The following HECW1 variants were observed in gnomAD, a reference collection of about 807,000 sequenced individuals.
HECW1 encodes the protein HECT, C2 and WW domain containing E3 ubiquitin protein ligase 1, also known as E3 ubiquitin-protein ligase HECW1.
In HECW1, 61 loss-of-function variants were observed where a neutral mutation model predicts 182.3. That is an observed-to-expected ratio of 0.33 (90% CI 0.27 to 0.41). The LOEUF (loss-of-function observed/expected upper bound fraction) is 0.41. HECW1 is among the 10% of genes least tolerant of loss of function. The probability of loss-of-function intolerance (pLI) is 1.00; values close to 1 mark genes in which losing one functional copy is unlikely to be tolerated. For missense variants in HECW1, 1,739 were observed against 2,108.9 expected, an observed-to-expected ratio of 0.82 and a Z score of 3.44; for synonymous variants, 859 against 832.6, an observed-to-expected ratio of 1.03 and a Z score of -0.55.
intron 28 of HECW1, among the ~76,000 whole-genome samples, chr7:43,553,030 A>G (rs1292929421): frequency 6.6e-6 from 1 of 152,140 alleles, no homozygotes; most frequent in Non-Finnish European, 1.5e-5. Flanking sequence ...TTTCCTACAG[A>G]ATTGGAGCCC....
intron 8 of HECW1, among the ~76,000 whole-genome samples, chr7:43,431,727 A>T (rs961632566): frequency 1.3e-5 from 2 of 152,094 alleles, no homozygotes; most frequent in African/African-American, 2.4e-5. Context: ...ATTCAGTTTC[A>T]TCCACAACAA....
At chr7:43,461,445 C>T (rs528950681) in intron 13 of HECW1, among the ~76,000 whole-genome samples, 2 of 152,340 alleles carry the variant, frequency 1.3e-5, no homozygotes, top group South Asian at 2.1e-4. Context: ...CTAAAAATAT[C>T]GTTGAACCAT....
chr7:43,167,029 C>T (rs985736542), intron 2 of HECW1, among the ~76,000 whole-genome samples: 2 of 152,194 alleles, frequency 1.3e-5, no homozygotes, highest in African/African-American at 4.8e-5. Flanking sequence ...TCCAAAAGAC[C>T]CCTTTCTGAT....
At chr7:43,203,137 G>A (rs762057544) in intron 2 of HECW1, among the ~76,000 whole-genome samples, 21 of 152,160 alleles carry the variant, frequency 1.4e-4, no homozygotes, top group Non-Finnish European at 2.6e-4. Context: ...CCAAAGTGCC[G>A]GGATTACAAG....
At chr7:43,362,281 T>C (rs1816057837) in intron 6 of HECW1, among the ~76,000 whole-genome samples, 1 of 152,166 alleles carries the variant, frequency 6.6e-6, no homozygotes, top group African/African-American at 2.4e-5. Context: ...AATTGAGGCC[T>C]TGGTAGTAAG....
At chr7:43,114,484 T>C in intron 2 of HECW1, 93 bp downstream of exon 2, 1 of 1,102,992 alleles carries the variant, frequency 9.1e-7, no homozygotes, top group Non-Finnish European at 1.2e-6. Context: ...TATGAATGTG[T>C]GTGCCTGTTT....
At chr7:43,313,782 T>C (rs1808840422) in intron 4 of HECW1, among the ~76,000 whole-genome samples, 1 of 152,224 alleles carries the variant, frequency 6.6e-6, no homozygotes, top group Admixed American at 6.5e-5. Flanking sequence ...TGATACCACA[T>C]GGTTCTAATC....
At chr7:43,445,687 A>G in intron 11 of HECW1, 117 bp downstream of exon 11, 2 of 1,260,018 alleles carry the variant, frequency 1.6e-6, no homozygotes, top group Non-Finnish European at 2.2e-6. Flanking sequence ...TGCTGGGGCA[A>G]TGTATGCCTG....
At chr7:43,231,475 C>A (rs1797868185) in intron 2 of HECW1, among the ~76,000 whole-genome samples, 1 of 152,180 alleles carries the variant, frequency 6.6e-6, no homozygotes, top group African/African-American at 2.4e-5. Flanking sequence ...GAACTTAGTG[C>A]CTTCACGGAG....
intron 7 of HECW1, among the ~76,000 whole-genome samples, chr7:43,403,785 T>C (rs959407272): frequency 2.6e-5 from 4 of 152,200 alleles, no homozygotes; most frequent in African/African-American, 9.7e-5. Context: ...GGAATAAGGT[T>C]TGGCAAAGGT....
chr7:43,416,763 T>C (rs6948701), intron 8 of HECW1, among the ~76,000 whole-genome samples: 114,850 of 141,180 alleles, frequency 0.81, 47,564 homozygotes, highest in East Asian at 0.99. Flanking sequence ...CTGAAAAGCG[T>C]AATATTCGGG....
intron 16 of HECW1, among the ~76,000 whole-genome samples, chr7:43,475,402 T>C (rs2078183080): frequency 6.6e-6 from 1 of 152,162 alleles, no homozygotes; most frequent in South Asian, 2.1e-4. Context: ...AATAAAGACT[T>C]AGAAACCATT....
At chr7:43,276,769 T>C (rs1012707176) in intron 3 of HECW1, among the ~76,000 whole-genome samples, 4 of 152,246 alleles carry the variant, frequency 2.6e-5, no homozygotes, top group African/African-American at 7.2e-5. Context: ...TCAGCTTTCC[T>C]GTCTCCTGAG....
chr7:43,431,364 T>G (rs2076543799), intron 8 of HECW1, among the ~76,000 whole-genome samples: 1 of 152,184 alleles, frequency 6.6e-6, no homozygotes. Flanking sequence ...TTCCTAGCTA[T>G]GTCACTCCTC....
intron 8 of HECW1, among the ~76,000 whole-genome samples, chr7:43,430,258 A>G (rs2076501999): frequency 6.6e-6 from 1 of 152,168 alleles, no homozygotes; most frequent in Non-Finnish European, 1.5e-5. Context: ...TCACCCTCAC[A>G]TCCATATCCT....
rs142619834 is a variant in HECW1, at chr7:43,391,537, C to A, written c.556-5277C>A. On this transcript the variant is annotated intron_variant, in intron 6 of 29. Transcript: ENST00000395891. ...GGCTCTGTGCCACTCACCTGTGTTGCTTTCCCCAGCCCCTTTGTTGGGACT... is the reference window on the plus strand; with the variant it reads ...GGCTCTGTGCCACTCACCTGTGTTGATTTCCCCAGCCCCTTTGTTGGGACT... 2.9e-3 allele frequency among the ~76,000 whole-genome samples: 442 copies of A among 152,330 alleles called. 1 individual carries two copies. The highest frequency in any genetic ancestry group is 9.0e-3 in the Admixed American group (138 of 15,306).
chr7:43,308,955 T>C (rs911858712), intron 3 of HECW1, among the ~76,000 whole-genome samples: 29 of 152,180 alleles, frequency 1.9e-4, no homozygotes, highest in Non-Finnish European at 3.5e-4. Context: ...TCTTAAACCC[T>C]TTCTGGAACA....
intron 2 of HECW1, among the ~76,000 whole-genome samples, chr7:43,117,685 C>T (rs1562758918): frequency 6.6e-6 from 1 of 152,154 alleles, no homozygotes; most frequent in Non-Finnish European, 1.5e-5. Context: ...GGAAGCAAAG[C>T]AGCATATTAG....
chr7:43,277,738 C>A (rs577911083), intron 3 of HECW1, among the ~76,000 whole-genome samples: 82 of 152,324 alleles, frequency 5.4e-4, no homozygotes, highest in Non-Finnish European at 1.0e-3. Context: ...AGCATCTGGA[C>A]TGCCTGAAGT....
Sources: allele counts gnomAD v4.1 joint callset (sites outside exome capture counted in the v4.1 genomes callset), GRCh38; gene constraint gnomAD v4.1.1; transcripts MANE v1.5; gene names NCBI Gene and HGNC (gene_info 2026-07-23, HGNC 2026-07-21).